Variants in FAM222B observed in about 807,000 individuals in gnomAD.
The protein encoded by FAM222B is protein FAM222B.
In FAM222B, 12 loss-of-function variants were observed where a neutral mutation model predicts 38.0. That is an observed-to-expected ratio of 0.32 (90% confidence interval 0.20 to 0.51). The LOEUF (loss-of-function observed/expected upper bound fraction) is 0.51, where lower values mean the gene tolerates loss of function less well. FAM222B is among the 20% of genes least tolerant of loss of function. The probability of loss-of-function intolerance (pLI) is 0.97; values close to 1 mark genes in which losing one functional copy is unlikely to be tolerated. For missense variants in FAM222B, 716 were observed against 754.2 expected, an observed-to-expected ratio of 0.95 and a Z score of 0.59; for synonymous variants, 329 against 317.2, an observed-to-expected ratio of 1.04 and a Z score of -0.40.
intron 1 of FAM222B, among the ~76,000 whole-genome samples, chr17:28,772,876 C>T (rs2035705453): frequency 6.6e-6 from 1 of 152,114 alleles, no homozygotes; most frequent in South Asian, 2.1e-4. Flanking sequence ...GCCTCGGCGA[C>T]AGAGCGAGAC....
chr17:28,839,975 A>G (rs2038977406), intron 1 of FAM222B, among the ~76,000 whole-genome samples: 1 of 151,536 alleles, frequency 6.6e-6, no homozygotes, highest in African/African-American at 2.4e-5. Context: ...AAGACCAATC[A>G]CTCATCAATT....
intron 1 of FAM222B, chr17:28,834,461 T>G (rs974195124): frequency 4.0e-5 from 6 of 149,230 alleles, no homozygotes; most frequent in Non-Finnish European, 9.0e-5. Context: ...ATGTCCATAC[T>G]TCTTGCACAT....
intron 1 of FAM222B, among the ~76,000 whole-genome samples, chr17:28,852,223 C>G (rs535252240): frequency 6.6e-6 from 1 of 151,688 alleles, no homozygotes; most frequent in Admixed American, 6.6e-5. Context: ...AAAAATTAGC[C>G]GGGCATGGTG....
chr17:28,811,760 C>T (rs2037776744), intron 1 of FAM222B, among the ~76,000 whole-genome samples: 1 of 152,168 alleles, frequency 6.6e-6, no homozygotes, highest in African/African-American at 2.4e-5. Context: ...TTGACTGGGG[C>T]TGCTCCCTCT....
intron 1 of FAM222B, among the ~76,000 whole-genome samples, chr17:28,848,352 C>T (rs191019988): frequency 2.6e-5 from 4 of 152,254 alleles, no homozygotes; most frequent in African/African-American, 9.6e-5. Context: ...GGGTGAGCCT[C>T]ATCCAACCAC....
chr17:28,853,941 C>CTTTTTT (rs34393247), intron 1 of FAM222B, among the ~76,000 whole-genome samples: 10 of 119,972 alleles, frequency 8.3e-5, no homozygotes, highest in Non-Finnish European at 1.0e-4. Context: ...ATCTCTGTTT[C>CTTTTTT]TTTTTTTTTT....
intron 1 of FAM222B, among the ~76,000 whole-genome samples, chr17:28,778,781 T>TCTTGAA (rs1296210199): frequency 7.1e-6 from 1 of 140,648 alleles, no homozygotes; most frequent in Non-Finnish European, 1.5e-5. Flanking sequence ...CCCAGCCTGG[T>TCTTGAA]CTTGAACTCC....
intron 1 of FAM222B, among the ~76,000 whole-genome samples, chr17:28,778,720 T>TATATATATATATA (rs1491503132): frequency 2.8e-5 from 1 of 35,942 alleles, no homozygotes; most frequent in Non-Finnish European, 5.4e-5. Flanking sequence ...TATATATATA[T>TATATATATATATA]TTTTTTTTTT....
rs747044894 is a variant in FAM222B, at chr17:28,759,614, G to A, written c.345C>T (p.Asp115=). Reference sequence around the variant, plus strand: ...GCAACCGGGCTCGGGTGCCGTCAAAGTCCTTGAGTATGCTTTTGGCTGGCA... The same window carrying A: ...GCAACCGGGCTCGGGTGCCGTCAAAATCCTTGAGTATGCTTTTGGCTGGCA... ...VKVPAKSILK[D]FDGTRARLLP... The change falls in exon 3 of 3, where the codon GAC becomes GAT. Residue 115 remains aspartate, a synonymous_variant. Transcript: ENST00000581407. This position sits in a 1 kb window ranked among gnomAD's most constrained non-coding sequence, Gnocchi z 4.8. The A allele has an allele frequency of 1.9e-6, 3 of 1,613,018 alleles. No individual in the cohort carries two copies.
intron 1 of FAM222B, among the ~76,000 whole-genome samples, chr17:28,825,763 A>G (rs898592146): frequency 6.6e-6 from 1 of 152,094 alleles, no homozygotes; most frequent in Non-Finnish European, 1.5e-5. Flanking sequence ...GTTTATCATT[A>G]ACTGATTTTT....
chr17:28,757,155 C>A lies in FAM222B; in HGVS notation c.*1115G>T, dbSNP rs2034738620. 6.6e-6 allele frequency: 1 copy of A among 152,576 alleles called. No individual in the cohort carries two copies. Among genetic ancestry groups the A allele is most frequent in the African/African-American group, 2.4e-5 (1 of 41,436 alleles). 9.5% of individuals were successfully genotyped at this position (152,576 alleles called of 1,614,324 possible). A position where few individuals can be genotyped will look rare whatever the true frequency, so the allele number is the denominator to read the frequency against. On this transcript the variant is annotated 3_prime_UTR_variant, in exon 3 of 3. Coordinates refer to ENST00000581407, the MANE Select transcript of FAM222B (RefSeq NM_001077498.3). ...GTAGGCCCAGCTCCAGGTGTTAGAACCATGCTCATTTGGTAAAGGAAGTAC... is the reference window on the plus strand; with the variant it reads ...GTAGGCCCAGCTCCAGGTGTTAGAAACATGCTCATTTGGTAAAGGAAGTAC...
intron 1 of FAM222B, among the ~76,000 whole-genome samples, chr17:28,828,556 A>C (rs1198416052): frequency 1.3e-5 from 2 of 149,626 alleles, no homozygotes; most frequent in Non-Finnish European, 3.0e-5. Context: ...GCTACAGAGA[A>C]GACTCTGTCA....
upstream of FAM222B, among the ~76,000 whole-genome samples, chr17:28,846,573 G>A (rs1239939163): frequency 2.0e-5 from 3 of 152,006 alleles, no homozygotes; most frequent in African/African-American, 7.2e-5. Flanking sequence ...GGAGGCTGAA[G>A]AGCGAGGATT....
At chr17:28,830,541 C>T (rs965668458) in intron 1 of FAM222B, among the ~76,000 whole-genome samples, 1 of 152,138 alleles carries the variant, frequency 6.6e-6, no homozygotes, top group African/African-American at 2.4e-5. Flanking sequence ...TTTTCATCTA[C>T]TTGACAGTCT....
In FAM222B at chr17:28,756,230, GA is replaced by G. The variant is rs1211592082; in HGVS notation, c.*2039del. ...GAGGGACTCAGGCTGAACTCCGAAA[GA>G]AGGAACATCTCACACCAAAGGCGAG... On this transcript the variant is annotated 3_prime_UTR_variant, in exon 3 of 3. Transcript: ENST00000581407. 1.3e-5 allele frequency: 2 copies of G among 152,872 alleles called. No individual in the cohort carries two copies. Among genetic ancestry groups the G allele is most frequent in the African/African-American group, 4.8e-5 (2 of 41,424 alleles). 9.5% of individuals were successfully genotyped at this position (152,872 alleles called of 1,614,324 possible).
intron 1 of FAM222B, among the ~76,000 whole-genome samples, chr17:28,782,329 T>A (rs922351998): frequency 6.6e-6 from 1 of 151,638 alleles, no homozygotes; most frequent in Non-Finnish European, 1.5e-5. Flanking sequence ...CTTAAAAAAA[T>A]AAATAAATAA....
rs550874313 is a variant in FAM222B, at chr17:28,782,866, G to A, written c.-40-16159C>T. ...AAAACGAACAAACTCGGCCGGGCGCGGTGGCTCACGGCTGTAATCCCAGCA... is the reference window on the plus strand; with the variant it reads ...AAAACGAACAAACTCGGCCGGGCGCAGTGGCTCACGGCTGTAATCCCAGCA... On this transcript the variant is annotated intron_variant, in intron 1 of 2. Coordinates refer to ENST00000581407, the MANE Select transcript of FAM222B (RefSeq NM_001077498.3). 7.2e-5 allele frequency among the ~76,000 whole-genome samples: 11 copies of A among 152,114 alleles called. No homozygotes were observed. In the East Asian group the frequency reaches 9.7e-4, roughly 13 times the overall value.
At chr17:28,760,840 G>A (rs937047109) in intron 2 of FAM222B, among the ~76,000 whole-genome samples, 2 of 152,194 alleles carry the variant, frequency 1.3e-5, no homozygotes, top group African/African-American at 4.8e-5. Context: ...AGGAGCAGAG[G>A]AATAAGCTGC....
At chr17:28,764,302 G>C (rs1463482984) in intron 2 of FAM222B, among the ~76,000 whole-genome samples, 2 of 150,766 alleles carry the variant, frequency 1.3e-5, no homozygotes, top group Non-Finnish European at 2.9e-5. Context: ...AAAGGGCCGG[G>C]CATGGTGGCT....
Sources: allele counts gnomAD v4.1 joint callset (sites outside exome capture counted in the v4.1 genomes callset), GRCh38; gene constraint gnomAD v4.1.1; non-coding constraint Gnocchi (gnomAD v3.1); transcripts MANE v1.5; gene names NCBI Gene and HGNC (gene_info 2026-07-23, HGNC 2026-07-21).